The following ADAMTS6 variants were observed in gnomAD, a reference collection of about 807,000 sequenced individuals.
ADAMTS6 encodes ADAM metallopeptidase with thrombospondin type 1 motif 6, also known as A disintegrin and metalloproteinase with thrombospondin motifs 6.
ADAMTS6 carries 23 observed loss-of-function variants against 144.3 expected under a neutral mutation model. That is an observed-to-expected ratio of 0.16 (90% confidence interval 0.11 to 0.23). ADAMTS6 has a LOEUF of 0.23. ADAMTS6 is among the 10% of genes least tolerant of loss of function. The pLI, the probability that ADAMTS6 is intolerant of heterozygous loss-of-function variation, is 1.00. For synonymous variants in ADAMTS6, 444 were observed against 457.5 expected, an observed-to-expected ratio of 0.97 and a Z score of 0.38; for missense variants, 999 against 1,379.6, an observed-to-expected ratio of 0.72 and a Z score of 4.37.
intron 7 of ADAMTS6, among the ~76,000 whole-genome samples, chr5:65,397,451 A>T (rs1365674063): frequency 6.6e-6 from 1 of 151,562 alleles, no homozygotes; most frequent in African/African-American, 2.4e-5. Flanking sequence ...AACCAATGTT[A>T]TAAATTTCCC....
chr5:65,286,312 T>A (rs538664671), intron 11 of ADAMTS6, among the ~76,000 whole-genome samples: 8 of 152,326 alleles, frequency 5.3e-5, no homozygotes, highest in South Asian at 4.1e-4. Context: ...GATTTTTTTT[T>A]ATTTAAAATA....
intron 7 of ADAMTS6, among the ~76,000 whole-genome samples, chr5:65,426,535 A>C (rs1756550632): frequency 6.6e-6 from 1 of 152,082 alleles, no homozygotes; most frequent in Admixed American, 6.5e-5. Flanking sequence ...TAAAAGCAAA[A>C]AAAATTGTCA....
intron 7 of ADAMTS6, among the ~76,000 whole-genome samples, chr5:65,404,595 A>G (rs1754272592): frequency 1.3e-5 from 2 of 152,140 alleles, no homozygotes; most frequent in South Asian, 4.1e-4. Flanking sequence ...GAATAATGCC[A>G]CAATAAACAT....
chr5:65,347,789 T>C (rs558837878), intron 7 of ADAMTS6, among the ~76,000 whole-genome samples: 1 of 151,974 alleles, frequency 6.6e-6, no homozygotes, highest in East Asian at 1.9e-4. Flanking sequence ...AACAACTCAA[T>C]GGCAAGAAAA....
chr5:65,403,441 A>C (rs529681803), intron 7 of ADAMTS6, among the ~76,000 whole-genome samples: 1 of 152,310 alleles, frequency 6.6e-6, no homozygotes, highest in East Asian at 1.9e-4. Flanking sequence ...TCTTAAAATT[A>C]GCAAGATCAT....
intron 7 of ADAMTS6, among the ~76,000 whole-genome samples, chr5:65,398,898 G>A (rs1753679957): frequency 6.6e-6 from 1 of 152,150 alleles, no homozygotes; most frequent in South Asian, 2.1e-4. Context: ...AGCTAATTCT[G>A]CTTTGTTTTG....
intron 11 of ADAMTS6, among the ~76,000 whole-genome samples, chr5:65,290,797 CA>C (rs1448706992): frequency 5.3e-5 from 8 of 152,046 alleles, no homozygotes; most frequent in Non-Finnish European, 1.2e-4. Context: ...ATGATGCCTA[CA>C]TTTTTTTTTC....
chr5:65,229,989 G>T (rs1758022277), intron 15 of ADAMTS6, among the ~76,000 whole-genome samples: 1 of 151,914 alleles, frequency 6.6e-6, no homozygotes, highest in South Asian at 2.1e-4. Flanking sequence ...CAAGGACAAA[G>T]AATTTTGAAG....
chr5:65,407,882 A>C (rs1419690971), intron 7 of ADAMTS6, among the ~76,000 whole-genome samples: 3 of 152,220 alleles, frequency 2.0e-5, no homozygotes, highest in Non-Finnish European at 4.4e-5. Context: ...CCAGAATTTC[A>C]TATCCAGCCA....
At position 65,452,752 on chromosome 5, in the gene ADAMTS6, A is replaced by G. The variant is rs1249365938; in HGVS notation, c.798T>C (p.His266=). ...TGTAATGTTCAATGTCTTTGCGGCC[A>G]TGGTAGCCCACCATCATTTTGTCTG... The part of the protein sequence containing the change: ...VVADKMMVGY[H]GRKDIEHYIL... The change falls in exon 5 of 25, where the codon CAT becomes CAC. Residue 266 remains histidine (H), a synonymous_variant. Transcript: ENST00000381055. 6.2e-7 allele frequency: 1 copy of G among 1,614,136 alleles called. No homozygotes were observed. The highest frequency in any genetic ancestry group is 1.7e-5 in the Admixed American group (1 of 60,024).
chr5:65,160,338 G>A (rs1426751658), intron 24 of ADAMTS6, among the ~76,000 whole-genome samples: 1 of 145,648 alleles, frequency 6.9e-6, no homozygotes, highest in African/African-American at 2.6e-5. Context: ...GAGGAGTCTC[G>A]CTCTGTCGCC....
chr5:65,300,406 T>C (rs1743241935), intron 9 of ADAMTS6, among the ~76,000 whole-genome samples: 1 of 152,238 alleles, frequency 6.6e-6, no homozygotes, highest in Non-Finnish European at 1.5e-5. Flanking sequence ...GAATATATTG[T>C]ATATCAGTCC....
At chr5:65,337,743 T>G (rs973939361) in intron 7 of ADAMTS6, among the ~76,000 whole-genome samples, 1 of 152,164 alleles carries the variant, frequency 6.6e-6, no homozygotes, top group Admixed American at 6.5e-5. Context: ...TTACTTTGCA[T>G]CATATTCACT....
At chr5:65,389,997 C>T (rs930103349) in intron 7 of ADAMTS6, among the ~76,000 whole-genome samples, 2 of 152,004 alleles carry the variant, frequency 1.3e-5, no homozygotes, top group African/African-American at 2.4e-5. Context: ...ATCACAGTGT[C>T]TTAGAAGTAT....
At chr5:65,205,283 T>C (rs1469060460) in intron 20 of ADAMTS6, among the ~76,000 whole-genome samples, 1 of 152,198 alleles carries the variant, frequency 6.6e-6, no homozygotes, top group Non-Finnish European at 1.5e-5. Context: ...CTCAGAACCC[T>C]TGTTTGTTTG....
chr5:65,479,284 G>C (rs1165257832), intron 1 of ADAMTS6, among the ~76,000 whole-genome samples: 2 of 152,090 alleles, frequency 1.3e-5, no homozygotes, highest in Non-Finnish European at 2.9e-5. Flanking sequence ...TAAGTATAAA[G>C]GTTTCTAGAT....
At chr5:65,372,055 T>C (rs1224174208) in intron 7 of ADAMTS6, among the ~76,000 whole-genome samples, 1 of 151,862 alleles carries the variant, frequency 6.6e-6, no homozygotes. Flanking sequence ...TAAAATACTT[T>C]ATAGACAAGC....
intron 18 of ADAMTS6, among the ~76,000 whole-genome samples, chr5:65,222,153 A>G (rs1757366068): frequency 6.6e-6 from 1 of 152,206 alleles, no homozygotes; most frequent in South Asian, 2.1e-4. Context: ...TAAAGGACCT[A>G]GAAAAGCAAA....
chr5:65,249,954 C>A (rs993082522), intron 14 of ADAMTS6, among the ~76,000 whole-genome samples: 2 of 151,952 alleles, frequency 1.3e-5, no homozygotes, highest in Admixed American at 6.6e-5. Flanking sequence ...TCTAAGGTGA[C>A]CCAATTCTTT....
Sources: gnomAD v4.1 joint callset for allele counts (sites outside exome capture counted in the v4.1 genomes callset) on GRCh38, gnomAD v4.1.1 for gene constraint, MANE v1.5 for transcripts, NCBI Gene and HGNC (gene_info 2026-07-23, HGNC 2026-07-21) for gene names.